The following EPCAM variants were observed in gnomAD, a reference collection of about 807,000 sequenced individuals.
EPCAM encodes epithelial cell adhesion molecule.
A neutral mutation model predicts 40.0 loss-of-function variants in EPCAM; 39 were observed. The observed-to-expected ratio is 0.98, with a 90% CI of 0.76 to 1.27. The LOEUF is 1.27. Ranked by LOEUF, EPCAM falls within the 50% of genes most tolerant of loss-of-function variation. The pLI, the probability that EPCAM is intolerant of heterozygous loss-of-function variation, is 0.00. For synonymous variants in EPCAM, 168 were observed against 132.3 expected, an observed-to-expected ratio of 1.27 and a Z score of -1.85; for missense variants, 503 against 381.2, an observed-to-expected ratio of 1.32 and a Z score of -2.66.
At position 47,369,801 on chromosome 2, in the gene EPCAM, C is replaced by T. The variant is rs967159261; in HGVS notation, c.76+220C>T. On this transcript the variant is annotated intron_variant, in intron 1 of 8. Transcript: ENST00000263735. ...GGAGCAGCCTCACTTCGCAGCTTTG[C>T]TCGCCTTGGTAGGGAAATGGCCTTG... 3 of 684,546 alleles carry T rather than the reference C, an allele frequency of 4.4e-6. No homozygotes were observed. In the South Asian group the frequency reaches 4.5e-5, roughly 10 times the overall value. 42.4% of individuals were successfully genotyped at this position (684,546 alleles called of 1,614,324 possible). A position where few individuals can be genotyped will look rare whatever the true frequency, so the allele number is the denominator to read the frequency against.
At chr2:47,385,136 T>TA (rs1306504504) in intron 7 of EPCAM, 30 bp from the exon 8 acceptor site, 2 of 1,584,616 alleles carry the variant, frequency 1.3e-6, no homozygotes, top group South Asian at 2.2e-5. Flanking sequence ...ATAGCAGTCC[T>TA]AAAACAATAG....
chr2:47,375,151 C>G (rs184405344), intron 3 of EPCAM, 83 bp from the exon 4 acceptor site: 5 of 1,047,010 alleles, frequency 4.8e-6, no homozygotes, highest in Middle Eastern at 2.9e-4. Flanking sequence ...CCTTATAATT[C>G]GAGAATTTTA....
chr2:47,383,527 A>C (rs1671652048), intron 7 of EPCAM: 1 of 144,858 alleles, frequency 6.9e-6, no homozygotes, highest in Non-Finnish European at 1.5e-5. Flanking sequence ...CTGGTCTCGA[A>C]CTCATCACCT....
rs749805135 is a variant in EPCAM, at chr2:47,373,847, G to A, written c.224G>A (p.Gly75Asp). Residue 75 changes from glycine (G) to aspartate (D), a missense_variant, in exon 3 of 9, where the codon GGC becomes GAC. Transcript: ENST00000263735. ...TTGGTGATGAAGGCAGAAATGAATG[G>A]CTCAAAACTTGGGAGAAGAGCAAAA... ...KCLVMKAEMN[G>D]SKLGRRAKPE... 5.6e-6 allele frequency: 9 copies of A among 1,613,966 alleles called. No homozygotes were observed. In the East Asian group the frequency reaches 2.0e-4, roughly 36 times the overall value.
intron 7 of EPCAM, 82 bp from the exon 8 acceptor site, chr2:47,385,084 C>G (rs1671707294): frequency 5.9e-6 from 6 of 1,013,190 alleles, no homozygotes; most frequent in South Asian, 3.8e-5. Context: ...AAAATTATGT[C>G]CATTAAAAGC....
At chr2:47,376,196 C>T (rs1456946721) in intron 4 of EPCAM, among the ~76,000 whole-genome samples, 1 of 150,486 alleles carries the variant, frequency 6.6e-6, no homozygotes, top group African/African-American at 2.4e-5. Flanking sequence ...TTTTAAAGAG[C>T]ATGGGCAAGT....
chr2:47,383,616 T>A (rs1435381682), intron 7 of EPCAM, among the ~76,000 whole-genome samples: 1 of 44,934 alleles, frequency 2.2e-5, no homozygotes, highest in Non-Finnish European at 4.1e-5. Flanking sequence ...TCTTTTTTTT[T>A]TTTTTTTTTT....
At chr2:47,377,974 T>C (rs1671470722) in intron 5 of EPCAM, among the ~76,000 whole-genome samples, 1 of 152,124 alleles carries the variant, frequency 6.6e-6, no homozygotes, top group Admixed American at 6.5e-5. Context: ...GGCTCACGCC[T>C]GTAATCCCAG....
At position 47,375,786 on chromosome 2, in the gene EPCAM, A is replaced by T. The variant is rs757143258; in HGVS notation, c.491+487A>T. On this transcript the variant is annotated intron_variant, in intron 4 of 8. Transcript: ENST00000263735. ...AGTGGCGTGATCTCAGCTCACTGCA[A>T]CCTGCGCCTGCCGGTTTCAAGCGAT... Among the ~76,000 whole-genome samples, 128 of 151,708 alleles carry T rather than the reference A, an allele frequency of 8.4e-4. 1 individual carries two copies. The highest frequency in any genetic ancestry group is 1.2e-3 in the Non-Finnish European group (79 of 67,948).
intron 7 of EPCAM, among the ~76,000 whole-genome samples, chr2:47,380,489 C>CTTGTGG (rs1320582449): frequency 6.6e-6 from 1 of 152,126 alleles, no homozygotes; most frequent in African/African-American, 2.4e-5. Context: ...TATTAAAAAG[C>CTTGTGG]TTGTGGCTGT....
rs1476851292 is a variant in EPCAM, at chr2:47,386,930, G to T, written c.*317G>T. On this transcript the variant is annotated 3_prime_UTR_variant, in exon 9 of 9. Coordinates refer to ENST00000263735, the MANE Select transcript of EPCAM (RefSeq NM_002354.3). Reference sequence around the variant, plus strand: ...CTTCCACAGTAAAATCTGAAAAACTGATTTGTGATTGAAAGCTGCCTTTCT... The same window carrying T: ...CTTCCACAGTAAAATCTGAAAAACTTATTTGTGATTGAAAGCTGCCTTTCT... 3 of 268,072 alleles carry T rather than the reference G, an allele frequency of 1.1e-5. No homozygotes were observed. In the Admixed American group the frequency reaches 1.5e-4, roughly 14 times the overall value. The allele number at this position is 268,072 out of a possible 1,614,324, so 16.6% of individuals were successfully genotyped here. A position where few individuals can be genotyped will look rare whatever the true frequency, so the allele number is the denominator to read the frequency against.
intron 7 of EPCAM, among the ~76,000 whole-genome samples, chr2:47,380,539 C>T (rs934839918): frequency 1.3e-5 from 2 of 152,152 alleles, no homozygotes; most frequent in East Asian, 1.9e-4. Flanking sequence ...TAGCAGCAAG[C>T]GTCTTTCAGT....
chr2:47,379,771 T>G lies in EPCAM; in HGVS notation c.660T>G (p.Val220=). ...ADVAYYFEKD[V]KGESLFHSKK... is the part of the protein sequence containing the mutation. ...TCCTTTTCTCCTTTTCAATACAGGTTAAAGGTGAATCCTTGTTTCATTCTA... is the reference window on the plus strand; with the variant it reads ...TCCTTTTCTCCTTTTCAATACAGGTGAAAGGTGAATCCTTGTTTCATTCTA... The change falls in exon 7 of 9, where the codon GTT becomes GTG. Residue 220 remains valine, a splice_region_variant and synonymous_variant. Coordinates refer to ENST00000263735, the MANE Select transcript of EPCAM (RefSeq NM_002354.3). The G allele has an allele frequency of 6.2e-7, 1 of 1,612,820 alleles. No homozygotes were observed. The highest frequency in any genetic ancestry group is 8.5e-7 in the Non-Finnish European group (1 of 1,179,658).
At chr2:47,385,929 T>C (rs1268270592) in intron 8 of EPCAM, among the ~76,000 whole-genome samples, 1 of 152,156 alleles carries the variant, frequency 6.6e-6, no homozygotes, top group Admixed American at 6.6e-5. Context: ...AATTGAATGG[T>C]AACAGACAGG....
chr2:47,380,962 A>G (rs766823216), intron 7 of EPCAM, among the ~76,000 whole-genome samples: 1 of 151,484 alleles, frequency 6.6e-6, no homozygotes, highest in Non-Finnish European at 1.5e-5. Context: ...GTGGTGGCAC[A>G]TGCCTGTAAT....
intron 1 of EPCAM, 32 bp downstream of exon 1, chr2:47,369,613 C>G (rs1451290571): frequency 1.3e-6 from 2 of 1,560,338 alleles, no homozygotes; most frequent in Non-Finnish European, 1.7e-6. Flanking sequence ...AGTTGTGGAG[C>G]TGGGCTGGGC....
intron 1 of EPCAM, among the ~76,000 whole-genome samples, chr2:47,372,660 T>C (rs1194756120): frequency 6.6e-6 from 1 of 152,024 alleles, no homozygotes; most frequent in African/African-American, 2.4e-5. Context: ...TAGTCCCAGC[T>C]ACTTGGGAGG....
At position 47,373,997 on chromosome 2, in the gene EPCAM, G is replaced by A. The variant is rs2103747821; in HGVS notation, c.374G>A (p.Arg125Lys). ...TGGTGTGTGAACACTGCTGGGGTCAGAAGAACAGACAAGGACACTGAAATA... is the reference window on the plus strand; with the variant it reads ...TGGTGTGTGAACACTGCTGGGGTCAAAAGAACAGACAAGGACACTGAAATA... ...MCWCVNTAGV[R>K]RTDKDTEITC... is the part of the protein sequence containing the mutation. Residue 125 changes from arginine (R) to lysine (K), a missense_variant, in exon 3 of 9, where the codon AGA (arginine) becomes AAA (lysine). Arg to Lys is a conservative substitution (Grantham distance 26). Coordinates refer to ENST00000263735, the MANE Select transcript of EPCAM (RefSeq NM_002354.3). The A allele has an allele frequency of 6.2e-7, 1 of 1,614,194 alleles. No homozygotes were observed. Among genetic ancestry groups the A allele is most frequent in the South Asian group, 1.1e-5 (1 of 91,074 alleles).
chr2:47,371,194 A>G (rs749788418), intron 1 of EPCAM, among the ~76,000 whole-genome samples: 1 of 152,134 alleles, frequency 6.6e-6, no homozygotes, highest in African/African-American at 2.4e-5. Flanking sequence ...CGTTATTCAA[A>G]TGTTAGACAT....
Sources: allele counts gnomAD v4.1 joint callset (sites outside exome capture counted in the v4.1 genomes callset), GRCh38; gene constraint gnomAD v4.1.1; transcripts MANE v1.5; gene names NCBI Gene and HGNC (gene_info 2026-07-23, HGNC 2026-07-21).